ZC2HC1A: variants seen among roughly 807,000 people sequenced by gnomAD.
ZC2HC1A encodes the protein zinc finger C2HC-type containing 1A.
ZC2HC1A carries 28 observed loss-of-function variants against 40.7 expected under a neutral mutation model. The observed-to-expected ratio is 0.69, with a 90% confidence interval of 0.51 to 0.94. The LOEUF is 0.94. Among genes scored for constraint, ZC2HC1A ranks in the 40% least tolerant of loss-of-function variants. ZC2HC1A has a pLI of 0.00. For synonymous variants in ZC2HC1A, 129 were observed against 129.2 expected (o/e 1.00, Z 0.01); for missense variants, 389 against 386.3 (o/e 1.01, Z -0.06).
chr8:78,695,654 CTCTA>C (rs938322124), intron 5 of ZC2HC1A, among the ~76,000 whole-genome samples: 7 of 152,082 alleles, frequency 4.6e-5, no homozygotes, highest in Admixed American at 2.0e-4. Context: ...GTCTTTCTCT[CTCTA>C]TATATATATA....
chr8:78,671,965 G>A (rs1224881166), intron 1 of ZC2HC1A, among the ~76,000 whole-genome samples: 1 of 152,052 alleles, frequency 6.6e-6, no homozygotes, highest in Non-Finnish European at 1.5e-5. Flanking sequence ...AAAAGGGACC[G>A]TATGTCATTT....
intron 8 of ZC2HC1A, among the ~76,000 whole-genome samples, chr8:78,717,099 C>T (rs1811129985): frequency 6.6e-6 from 1 of 151,964 alleles, no homozygotes; most frequent in South Asian, 2.1e-4. Flanking sequence ...GAAAGCATGG[C>T]TGCATTTGGT....
At chr8:78,668,770 A>G (rs562158914) in intron 1 of ZC2HC1A, among the ~76,000 whole-genome samples, 63 of 152,342 alleles carry the variant, frequency 4.1e-4, no homozygotes, top group Non-Finnish European at 7.1e-4. Context: ...GTGCCCCACA[A>G]AATCTATCTA....
At chr8:78,679,494 G>C (rs1014263529) in intron 3 of ZC2HC1A, 1 of 151,994 alleles carries the variant, frequency 6.6e-6, no homozygotes, top group African/African-American at 2.4e-5. Context: ...TTGTTATATG[G>C]TTATTTATTT....
intron 7 of ZC2HC1A, among the ~76,000 whole-genome samples, chr8:78,702,298 G>T (rs530086646): frequency 6.6e-6 from 1 of 152,124 alleles, no homozygotes; most frequent in East Asian, 1.9e-4. Flanking sequence ...GTATTTCTAT[G>T]GGGTCAAGTG....
chr8:78,715,158 G>A (rs986635923), intron 7 of ZC2HC1A, 63 bp from the exon 8 acceptor site: 18 of 1,409,716 alleles, frequency 1.3e-5, no homozygotes, highest in Non-Finnish European at 1.7e-5. Flanking sequence ...ATGTGAATAG[G>A]TAATTTGAGA....
intron 4 of ZC2HC1A, among the ~76,000 whole-genome samples, chr8:78,687,962 T>TTATATATAAA (rs1810078470): frequency 6.9e-6 from 1 of 144,458 alleles, no homozygotes; most frequent in African/African-American, 2.5e-5. Flanking sequence ...ATATCTATAT[T>TTATATATAAA]TATATATAAA....
At position 78,719,639 on chromosome 8, in the gene ZC2HC1A, G is replaced by A. The variant is rs543763203; in HGVS notation, c.*2146G>A. On this transcript the variant is annotated 3_prime_UTR_variant, in exon 9 of 9. Coordinates refer to ENST00000263849, the MANE Select transcript of ZC2HC1A (RefSeq NM_016010.3). ...GTAAAAATTGCTTATGTATTATTCT[G>A]AATTGTGTTAGGTTGAAAAAGATGA... The A allele has an allele frequency of 1.3e-5, 2 of 151,752 alleles. No individual in the cohort carries two copies. The highest frequency in any genetic ancestry group is 4.8e-5 in the African/African-American group (2 of 41,520). The allele number at this position is 151,752 out of a possible 1,614,324, so 9.4% of individuals were successfully genotyped here.
At chr8:78,715,195 T>C in intron 7 of ZC2HC1A, 26 bp from the exon 8 acceptor site, 1 of 1,597,036 alleles carries the variant, frequency 6.3e-7, no homozygotes, top group Non-Finnish European at 8.6e-7. Context: ...TCAATACTTT[T>C]CCATTATTTT....
At chr8:78,677,161 C>A (rs1292780607) in intron 2 of ZC2HC1A, among the ~76,000 whole-genome samples, 1 of 152,016 alleles carries the variant, frequency 6.6e-6, no homozygotes, top group African/African-American at 2.4e-5. Context: ...TTTGACAGTT[C>A]TACCTTCTTT....
chr8:78,710,414 T>C lies in ZC2HC1A; in HGVS notation c.705-4807T>C, dbSNP rs1026104089. Among the ~76,000 whole-genome samples the C allele has an allele frequency of 9.2e-5, 14 of 152,264 alleles. No individual in the cohort carries two copies. The East Asian group carries it at 2.3e-3, about 25-fold the overall frequency. On this transcript the variant is annotated intron_variant, in intron 7 of 8. Transcript: ENST00000263849. ...TGAAAATATTGGCAATCTTTTTATA[T>C]ATGTAATGTTTCCATTGGATAATTA...
At chr8:78,687,664 ATATT>A (rs1321529433) in intron 4 of ZC2HC1A, among the ~76,000 whole-genome samples, 63 of 122,636 alleles carry the variant, frequency 5.1e-4, no homozygotes, top group African/African-American at 1.6e-3. Context: ...TACATTATAT[ATATT>A]TACGTAATAC....
chr8:78,695,025 T>C (rs769451335), intron 5 of ZC2HC1A, among the ~76,000 whole-genome samples: 1 of 152,106 alleles, frequency 6.6e-6, no homozygotes, highest in Non-Finnish European at 1.5e-5. Flanking sequence ...CTTGATGTTG[T>C]AGAATAGATA....
At position 78,698,431 on chromosome 8, in the gene ZC2HC1A, GTGTCT is replaced by G; in HGVS notation, c.624_628del (p.Ser209LysfsTer2). 1 of 1,612,418 alleles carries G rather than the reference GTGTCT, an allele frequency of 6.2e-7. No homozygotes were observed. The highest frequency in any genetic ancestry group is 8.5e-7 in the Non-Finnish European group (1 of 1,179,192). On this transcript the variant is annotated frameshift_variant, in exon 7 of 9. Coordinates refer to ENST00000263849, the MANE Select transcript of ZC2HC1A (RefSeq NM_016010.3). LOFTEE classifies it high-confidence loss of function. The stretch of plus-strand genomic sequence containing the variant: ...ATTATAAGGTGTTCCTTCAGGTAAA[GTGTCT>G]TCAAGTAGCAGCTCTTTGGGAAACA...
intron 8 of ZC2HC1A, among the ~76,000 whole-genome samples, chr8:78,715,739 C>T (rs11988570): frequency 0.16 from 23,949 of 151,986 alleles, 2,048 homozygotes; most frequent in Middle Eastern, 0.3. Context: ...TGCAGTCTCA[C>T]GATAAAACTG....
At chr8:78,713,551 AGTT>A (rs2130609835) in intron 7 of ZC2HC1A, among the ~76,000 whole-genome samples, 1 of 152,264 alleles carries the variant, frequency 6.6e-6, no homozygotes, top group Admixed American at 6.5e-5. Flanking sequence ...AGACTCTAGT[AGTT>A]CTACAACATC....
At chr8:78,675,752 A>C in intron 1 of ZC2HC1A, 35 bp from the exon 2 acceptor site, 15 of 1,471,880 alleles carry the variant, frequency 1.0e-5, no homozygotes, top group South Asian at 1.2e-5. Flanking sequence ...ATTTCAAGTT[A>C]TATAAATTAT....
At chr8:78,694,299 T>TC (rs773070659) in intron 5 of ZC2HC1A, among the ~76,000 whole-genome samples, 7,448 of 141,872 alleles carry the variant, frequency 0.052, 261 homozygotes, top group Middle Eastern at 0.085. Context: ...TTTTTTTTTT[T>TC]CTCATTCAGT....
At chr8:78,713,107 A>G (rs1417329888) in intron 7 of ZC2HC1A, among the ~76,000 whole-genome samples, 2 of 152,190 alleles carry the variant, frequency 1.3e-5, no homozygotes. Flanking sequence ...AGATGGATTA[A>G]GTACAATTCC....
Sources: gnomAD v4.1 joint callset for allele counts (sites outside exome capture counted in the v4.1 genomes callset) on GRCh38, gnomAD v4.1.1 for gene constraint, MANE v1.5 for transcripts, NCBI Gene and HGNC (gene_info 2026-07-23, HGNC 2026-07-21) for gene names.